CMKLR1: variants seen among roughly 807,000 people sequenced by gnomAD.
CMKLR1 encodes the protein chemerin-like receptor 1.
CMKLR1 carries 6 observed loss-of-function variants against 8.2 expected under a neutral mutation model. That is an observed-to-expected ratio of 0.73 (90% CI 0.40 to 1.44). The LOEUF (loss-of-function observed/expected upper bound fraction) is 1.44. Among genes scored for constraint, CMKLR1 ranks in the 40% most tolerant of loss-of-function variants. CMKLR1 has a pLI of 0.02. For synonymous variants in CMKLR1, 178 were observed against 181.2 expected, an observed-to-expected ratio of 0.98 and a Z score of 0.14; for missense variants, 429 against 478.0, an observed-to-expected ratio of 0.90 and a Z score of 0.96.
intron 2 of CMKLR1, among the ~76,000 whole-genome samples, chr12:108,299,596 T>C (rs1181899215): frequency 1.3e-5 from 2 of 152,160 alleles, no homozygotes; most frequent in Non-Finnish European, 2.9e-5. Context: ...AAGGATCTCA[T>C]GATGAGATCA....
chr12:108,328,570 C>T (rs979331654), intron 2 of CMKLR1, among the ~76,000 whole-genome samples: 1 of 152,206 alleles, frequency 6.6e-6, no homozygotes, highest in African/African-American at 2.4e-5. Flanking sequence ...GAGCAGCTGC[C>T]TCTATCCACC....
At chr12:108,317,474 G>A (rs1891762404) in intron 2 of CMKLR1, among the ~76,000 whole-genome samples, 1 of 152,180 alleles carries the variant, frequency 6.6e-6, no homozygotes, top group Admixed American at 6.5e-5. Context: ...GGGAGGGGTG[G>A]GCTCTGTGTA....
In CMKLR1 at chr12:108,300,501, G is replaced by A. The variant is rs902492019; in HGVS notation, c.-73-6837C>T. ...TGAATGAATGAATGAATGAATGCTT[G>A]TTTTTCTGTCTCACTGGATCTGTCT... is the stretch of plus-strand genomic sequence containing the variant. On this transcript the variant is annotated intron_variant, in intron 2 of 3. Transcript: ENST00000550402. Among the ~76,000 whole-genome samples, 7 of 152,148 alleles carry A rather than the reference G, an allele frequency of 4.6e-5. No homozygotes were observed. In the South Asian group the frequency reaches 1.5e-3, roughly 32 times the overall value.
intron 2 of CMKLR1, among the ~76,000 whole-genome samples, chr12:108,299,140 G>C (rs1197395029): frequency 6.6e-6 from 1 of 152,228 alleles, no homozygotes; most frequent in Non-Finnish European, 1.5e-5. Flanking sequence ...AGACGGTCTG[G>C]AGAACACTTT....
chr12:108,301,692 G>A lies in CMKLR1; in HGVS notation c.-73-8028C>T, dbSNP rs536311042. 4.6e-5 allele frequency among the ~76,000 whole-genome samples: 7 copies of A among 152,224 alleles called. No homozygotes were observed. The East Asian group carries it at 7.7e-4, about 17-fold the overall frequency. On this transcript the variant is annotated intron_variant, in intron 2 of 3. Transcript: ENST00000550402. ...TTTCCAAAACAACCTTGCAAAGGGG[G>A]TGTATCCTTCCCCCATTTTACAGAC...
intron 2 of CMKLR1, chr12:108,318,003 C>A (rs891651335): frequency 6.6e-6 from 1 of 152,208 alleles, no homozygotes; most frequent in African/African-American, 2.4e-5. Context: ...TCTTGCCTAA[C>A]AATATCTCTT....
At chr12:108,323,778 C>T (rs1360732224) in intron 2 of CMKLR1, among the ~76,000 whole-genome samples, 2 of 152,208 alleles carry the variant, frequency 1.3e-5, no homozygotes, top group Non-Finnish European at 2.9e-5. Flanking sequence ...TCTCTGATAT[C>T]CAATCTAGCG....
intron 2 of CMKLR1, among the ~76,000 whole-genome samples, chr12:108,297,060 C>T (rs1031661874): frequency 3.9e-5 from 6 of 152,070 alleles, no homozygotes; most frequent in Non-Finnish European, 7.4e-5. Context: ...CTATATATAC[C>T]GCTGACCCTT....
intron 2 of CMKLR1, among the ~76,000 whole-genome samples, chr12:108,318,134 T>G (rs1350494109): frequency 6.6e-6 from 1 of 152,256 alleles, no homozygotes; most frequent in African/African-American, 2.4e-5. Context: ...GGATGGGCAC[T>G]TGAGTTGCTT....
chr12:108,294,543 G>C (rs924133584), intron 2 of CMKLR1, among the ~76,000 whole-genome samples: 3 of 152,158 alleles, frequency 2.0e-5, no homozygotes, highest in Non-Finnish European at 4.4e-5. Flanking sequence ...CTGAATCTCA[G>C]TTTTCTTACC....
chr12:108,310,958 C>G lies in CMKLR1; in HGVS notation c.-73-17294G>C, dbSNP rs549364921. On this transcript the variant is annotated intron_variant, in intron 2 of 3. Transcript: ENST00000550402. ...GGTAAGTTCGAAGACCGCCCCCCCA[C>G]CCCCCGCCCAGGAGATGAGCAGGGT... is the stretch of plus-strand genomic sequence containing the variant. 1.1e-3 allele frequency among the ~76,000 whole-genome samples: 152 copies of G among 142,814 alleles called. 3 individuals are homozygous for G. The highest frequency in any genetic ancestry group is 3.6e-3 in the African/African-American group (143 of 39,408). 93.7% of individuals were successfully genotyped at this position (142,814 alleles called of 152,430 possible). A position where few individuals can be genotyped will look rare whatever the true frequency, so the allele number is the denominator to read the frequency against.
intron 1 of CMKLR1, among the ~76,000 whole-genome samples, chr12:108,334,555 T>G (rs573161267): frequency 6.6e-6 from 1 of 152,346 alleles, no homozygotes; most frequent in African/African-American, 2.4e-5. Flanking sequence ...TGGCCCATTC[T>G]GGGGAGTTTG....
chr12:108,325,262 T>G (rs1046519039), intron 2 of CMKLR1, among the ~76,000 whole-genome samples: 1 of 152,206 alleles, frequency 6.6e-6, no homozygotes, highest in Admixed American at 6.5e-5. Context: ...GGGGCCTGCC[T>G]TGGACTGTGG....
At position 108,304,443 on chromosome 12, in the gene CMKLR1, A is replaced by G. The variant is rs528202242; in HGVS notation, c.-73-10779T>C. ...CTTCCTTGATTAAACCCCTTTGCCC[A>G]ATGGGTTCTTTACATCGCAAAGCAC... is the stretch of plus-strand genomic sequence containing the variant. On this transcript the variant is annotated intron_variant, in intron 2 of 3. Coordinates refer to ENST00000550402, the MANE Select transcript of CMKLR1 (RefSeq NM_001142343.2). Among the ~76,000 whole-genome samples, 3 of 152,204 alleles carry G rather than the reference A, an allele frequency of 2.0e-5. No individual in the cohort carries two copies. In the South Asian group the frequency reaches 6.2e-4, roughly 32 times the overall value.
At chr12:108,308,366 G>A (rs1033654472) in intron 2 of CMKLR1, among the ~76,000 whole-genome samples, 3 of 152,176 alleles carry the variant, frequency 2.0e-5, no homozygotes, top group African/African-American at 7.2e-5. Context: ...CACTGTTTTA[G>A]GGTCCCAGGA....
rs997852514 is a variant in CMKLR1, at chr12:108,292,811, C to T, written c.152G>A (p.Cys51Tyr). 6.2e-7 allele frequency: 1 copy of T among 1,614,154 alleles called. No individual in the cohort carries two copies. The highest frequency in any genetic ancestry group is 1.7e-5 in the Admixed American group (1 of 60,016). ...IFLVVVYSIVCFLGILGNGLV... is the reference protein window; with the variant it reads ...IFLVVVYSIVYFLGILGNGLV... Reference sequence around the variant, plus strand: ...ACCATTGCCCAGAATCCCGAGGAAGCAGACGATGCTGTAGACCACCACCAG... The same window carrying T: ...ACCATTGCCCAGAATCCCGAGGAAGTAGACGATGCTGTAGACCACCACCAG... The change falls in exon 4 of 4, where the codon TGC becomes TAC. Residue 51 changes from cysteine (C) to tyrosine (Y), a missense_variant. Coordinates refer to ENST00000550402, the MANE Select transcript of CMKLR1 (RefSeq NM_001142343.2).
intron 2 of CMKLR1, among the ~76,000 whole-genome samples, chr12:108,319,945 A>C (rs1891820965): frequency 6.6e-6 from 1 of 152,128 alleles, no homozygotes; most frequent in South Asian, 2.1e-4. Context: ...ATAGAATACA[A>C]AGATATAGTT....
chr12:108,294,875 T>C (rs1199794464), intron 2 of CMKLR1, among the ~76,000 whole-genome samples: 1 of 152,230 alleles, frequency 6.6e-6, no homozygotes. Flanking sequence ...TCATTACTGA[T>C]CCTTCCCAGC....
chr12:108,303,515 G>A (rs34408000), intron 2 of CMKLR1, among the ~76,000 whole-genome samples: 1 of 152,060 alleles, frequency 6.6e-6, no homozygotes, highest in African/African-American at 2.4e-5. Context: ...CGTGCCCAAG[G>A]TCACACAGAG....
Sources: gnomAD v4.1 joint callset for allele counts (sites outside exome capture counted in the v4.1 genomes callset) on GRCh38, gnomAD v4.1.1 for gene constraint, MANE v1.5 for transcripts, NCBI Gene and HGNC (gene_info 2026-07-23, HGNC 2026-07-21) for gene names.